SBF2: variants seen among roughly 807,000 people sequenced by gnomAD.
The protein encoded by SBF2 is SET binding factor 2, also known as myotubularin-related protein 13.
Under a neutral mutation model 225.2 loss-of-function variants are expected in SBF2, and 112 were observed. The ratio of observed to expected loss-of-function variants is 0.50; its 90% CI spans 0.43 to 0.58. The LOEUF is 0.58. Among genes scored for constraint, SBF2 ranks in the 20% least tolerant of loss-of-function variants. The pLI, the probability that SBF2 is intolerant of heterozygous loss-of-function variation, is 0.00. For synonymous variants in SBF2, 763 were observed against 773.3 expected (o/e 0.99, Z 0.22); for missense variants, 1,996 against 2,206.2 (o/e 0.90, Z 1.91).
At chr11:10,089,477 T>C (rs912129204) in intron 2 of SBF2, among the ~76,000 whole-genome samples, 1 of 152,164 alleles carries the variant, frequency 6.6e-6, no homozygotes, top group Non-Finnish European at 1.5e-5. Context: ...TTCATCAAAA[T>C]AGTATAAATT....
chr11:9,857,619 T>A (rs1339013164), intron 18 of SBF2, among the ~76,000 whole-genome samples: 3 of 152,216 alleles, frequency 2.0e-5, no homozygotes, highest in African/African-American at 7.2e-5. Flanking sequence ...AGTGAAGATA[T>A]AAGGCACAGT....
intron 17 of SBF2, among the ~76,000 whole-genome samples, chr11:9,874,539 A>C (rs1056280642): frequency 6.6e-6 from 1 of 152,342 alleles, no homozygotes; most frequent in Non-Finnish European, 1.5e-5. Flanking sequence ...TGACCAAATA[A>C]AGACTCAAAT....
chr11:9,866,751 C>T (rs1858254773), intron 17 of SBF2, among the ~76,000 whole-genome samples: 1 of 152,228 alleles, frequency 6.6e-6, no homozygotes. Context: ...AGTTAAAAAG[C>T]TTCTCCATAG....
In SBF2 at chr11:10,273,168, G is replaced by A. The variant is rs1319027536; in HGVS notation, c.55+20847C>T. Among the ~76,000 whole-genome samples, 6 of 152,226 alleles carry A rather than the reference G, an allele frequency of 3.9e-5. No individual in the cohort carries two copies. In the East Asian group the frequency reaches 9.6e-4, roughly 24 times the overall value. On this transcript the variant is annotated intron_variant, in intron 1 of 39. Coordinates refer to ENST00000256190, the MANE Select transcript of SBF2 (RefSeq NM_030962.4). ...AAATAGAAGACCGTTTTTAGTTTTT[G>A]AATTATTTGATAACTAATTATTCTG...
Position 9,879,618 on chromosome 11 carries a change from CATTCAATTTATAGTTGA to C in SBF2, c.1929+16308_1929+16324del, listed in dbSNP as rs568296730. Among the ~76,000 whole-genome samples, 363 of 152,316 alleles carry C rather than the reference CATTCAATTTATAGTTGA, an allele frequency of 2.4e-3. 4 individuals are homozygous for C. Among genetic ancestry groups the C allele is most frequent in the African/African-American group, 8.5e-3 (355 of 41,566 alleles). Reference sequence around the variant, plus strand: ...TATATCCAGTGACTGGTGAAGCAGACATTCAATTTATAGTTGAATTCATGTCCTGTCTTTCATTCAAC... The same window carrying C: ...TATATCCAGTGACTGGTGAAGCAGACATTCATGTCCTGTCTTTCATTCAAC... On this transcript the variant is annotated intron_variant, in intron 17 of 39. Transcript: ENST00000256190.
chr11:10,264,660 A>G (rs752210975), intron 1 of SBF2, among the ~76,000 whole-genome samples: 2 of 152,120 alleles, frequency 1.3e-5, no homozygotes, highest in Non-Finnish European at 2.9e-5. Context: ...AGTTATATAC[A>G]TGCTACGATG....
At position 9,806,514 on chromosome 11, in the gene SBF2, C is replaced by T. The variant is rs190231713; in HGVS notation, c.4443+1486G>A. ...AGCTTTCTGTTTCAGAGACAATGGT[C>T]TCCAAACTTCTCCCTCATCTATTTG... On this transcript the variant is annotated intron_variant, in intron 32 of 39. Transcript: ENST00000256190. Among the ~76,000 whole-genome samples, 262 of 152,314 alleles carry T rather than the reference C, an allele frequency of 1.7e-3. 2 individuals carry two copies. The South Asian group carries it at 0.032, about 18-fold the overall frequency.
intron 28 of SBF2, among the ~76,000 whole-genome samples, chr11:9,824,649 A>G (rs1046468946): frequency 1.3e-5 from 2 of 152,170 alleles, no homozygotes; most frequent in Non-Finnish European, 2.9e-5. Context: ...ACAACTGTGC[A>G]GCTACAATTT....
At chr11:9,858,429 G>T in intron 17 of SBF2, 33 bp from the exon 18 acceptor site, 1 of 1,610,244 alleles carries the variant, frequency 6.2e-7, no homozygotes, top group South Asian at 1.1e-5. Context: ...TCATCATGGG[G>T]CTGGCAGAAT....
chr11:10,127,053 T>G (rs925847041), intron 2 of SBF2, among the ~76,000 whole-genome samples: 1 of 151,986 alleles, frequency 6.6e-6, no homozygotes, highest in Non-Finnish European at 1.5e-5. Flanking sequence ...ATTGAGAGTT[T>G]TTTAAAAAAT....
intron 2 of SBF2, among the ~76,000 whole-genome samples, chr11:10,162,879 G>A (rs1284877389): frequency 6.6e-6 from 1 of 152,176 alleles, no homozygotes; most frequent in African/African-American, 2.4e-5. Context: ...CAGTCTGACA[G>A]CATTCCTCAG....
intron 6 of SBF2, among the ~76,000 whole-genome samples, chr11:10,022,955 T>A (rs189767811): frequency 2.7e-3 from 405 of 152,258 alleles, no homozygotes; most frequent in African/African-American, 9.4e-3. Flanking sequence ...CAATAAGTAG[T>A]GTTTGGTAAG....
rs1060500001 is a variant in SBF2, at chr11:9,853,539, C to T, written c.2536+1G>A. The T allele has an allele frequency of 4.3e-6, 7 of 1,613,186 alleles. No individual in the cohort carries two copies. The highest frequency in any genetic ancestry group is 5.9e-6 in the Non-Finnish European group (7 of 1,179,256). On this transcript the variant is annotated splice_donor_variant, in intron 20 of 39. Coordinates refer to ENST00000256190, the MANE Select transcript of SBF2 (RefSeq NM_030962.4). LOFTEE classifies it high-confidence loss of function. Reference sequence around the variant, plus strand: ...TTCTCTAATATCTGCAGAGTGATTACCTGGTATCATGCAATGAAGGCTCTT... The same window carrying T: ...TTCTCTAATATCTGCAGAGTGATTATCTGGTATCATGCAATGAAGGCTCTT...
chr11:9,840,252 C>CA (rs373616505), intron 25 of SBF2, among the ~76,000 whole-genome samples: 12,129 of 97,692 alleles, frequency 0.12, 663 homozygotes, highest in East Asian at 0.23. Context: ...CCCCCAGCCG[C>CA]AAAAAAAAAA....
At chr11:9,969,249 C>A (rs1450457348) in intron 13 of SBF2, among the ~76,000 whole-genome samples, 2 of 152,194 alleles carry the variant, frequency 1.3e-5, no homozygotes, top group Non-Finnish European at 1.5e-5. Flanking sequence ...ACAACTTGGC[C>A]AGTTTCACAA....
At chr11:9,799,802 CTTCTT>C (rs1345662641) in intron 32 of SBF2, among the ~76,000 whole-genome samples, 1 of 152,218 alleles carries the variant, frequency 6.6e-6, no homozygotes, top group Non-Finnish European at 1.5e-5. Context: ...AGTTCACTGG[CTTCTT>C]TTCCTCTTTG....
chr11:10,193,546 C>G (rs757121205), intron 2 of SBF2, among the ~76,000 whole-genome samples: 30 of 151,804 alleles, frequency 2.0e-4, no homozygotes, highest in East Asian at 1.7e-3. Flanking sequence ...GTAGAGACAG[C>G]GTTTCACCGT....
chr11:9,952,505 G>A (rs1394837219), intron 16 of SBF2, among the ~76,000 whole-genome samples: 1 of 152,088 alleles, frequency 6.6e-6, no homozygotes, highest in Non-Finnish European at 1.5e-5. Flanking sequence ...GGCTTTTCCC[G>A]CTGCTACTTG....
intron 38 of SBF2, among the ~76,000 whole-genome samples, chr11:9,784,026 A>G (rs1234953603): frequency 1.3e-5 from 2 of 152,184 alleles, no homozygotes; most frequent in Non-Finnish European, 2.9e-5. Flanking sequence ...AAACCTCAGG[A>G]ATCCCCTCAC....
Sources: allele counts gnomAD v4.1 joint callset (sites outside exome capture counted in the v4.1 genomes callset), GRCh38; gene constraint gnomAD v4.1.1; transcripts MANE v1.5; gene names NCBI Gene and HGNC (gene_info 2026-07-23, HGNC 2026-07-21).